Variants in LCN9 observed in about 807,000 individuals in gnomAD.
The protein encoded by LCN9 is epididymal-specific lipocalin-9.
In LCN9, 22 loss-of-function variants were observed where a neutral mutation model predicts 18.5. The ratio of observed to expected loss-of-function variants is 1.19; its 90% CI spans 0.85 to 1.70. LCN9 has a LOEUF of 1.70. Ranked by LOEUF, LCN9 falls within the 40% of genes most tolerant of loss-of-function variation. The pLI, the probability that LCN9 is intolerant of heterozygous loss-of-function variation, is 0.00. For synonymous variants in LCN9, 89 were observed against 83.0 expected (o/e 1.07, Z -0.39); for missense variants, 202 against 201.3 (o/e 1.00, Z -0.02).
At position 135,665,285 on chromosome 9, in the gene LCN9, C is replaced by T; in HGVS notation, c.348C>T (p.Tyr116=). ...CAGTGGCCGTCTCGGAGACTGACTACAGGCTGTTCATCACCTTCCACCTCC... is the reference window on the plus strand; with the variant it reads ...CAGTGGCCGTCTCGGAGACTGACTATAGGCTGTTCATCACCTTCCACCTCC... The change falls in exon 4 of 6, where the codon TAC becomes TAT. Residue 116 remains tyrosine (Y), a synonymous_variant. Transcript: ENST00000619315. The surrounding 1 kb of genome is among the most constrained non-coding windows in gnomAD (Gnocchi z 5.9). 1 of 1,606,052 alleles carries T rather than the reference C, an allele frequency of 6.2e-7. No individual in the cohort carries two copies. The highest frequency in any genetic ancestry group is 8.5e-7 in the Non-Finnish European group (1 of 1,176,574).
rs2119180863 is a variant in LCN9, at chr9:135,665,925, G to A, written c.*74G>A. ...CTCCCATGCGTGAGCTGCGACTCGG[G>A]ACGGGCAGGGGGCTGGATGGGGAGA... On this transcript the variant is annotated 3_prime_UTR_variant, in exon 6 of 6. Coordinates refer to ENST00000619315, the Ensembl canonical transcript of LCN9. This position sits in a 1 kb window ranked among gnomAD's most constrained non-coding sequence, Gnocchi z 5.9. The A allele has an allele frequency of 1.9e-6, 3 of 1,608,930 alleles. No homozygotes were observed. The highest frequency in any genetic ancestry group is 1.1e-5 in the South Asian group (1 of 90,530).
In LCN9 at chr9:135,664,396, T is replaced by C. The variant is rs1045228014; in HGVS notation, c.233+98T>C. 1.9e-5 allele frequency: 28 copies of C among 1,457,160 alleles called. No homozygotes were observed. The East Asian group carries it at 6.1e-4, about 32-fold the overall frequency. 90.3% of individuals were successfully genotyped at this position (1,457,160 alleles called of 1,614,324 possible). On this transcript the variant is annotated intron_variant, in intron 2 of 5. Coordinates refer to ENST00000619315, the Ensembl canonical transcript of LCN9. The surrounding 1 kb of genome is among the most constrained non-coding windows in gnomAD (Gnocchi z 4.5). ...TGCACACACACGCTCGCACACTCAC[T>C]GACTTGCACTCTGGTGAGAGCCTGA...
rs565670334 is a variant in LCN9 at position 135,663,882 on chromosome 9, G to C, written c.97-280G>C. Among the ~76,000 whole-genome samples, 43 of 125,216 alleles carry C rather than the reference G, an allele frequency of 3.4e-4. 1 individual carries two copies. The highest frequency in any genetic ancestry group is 3.9e-3 in the Middle Eastern group (1 of 256). 82.1% of individuals were successfully genotyped at this position (125,216 alleles called of 152,430 possible). ...AGAGGGCATTCTGTGAGCAGAGGGG[G>C]GACCTTGGGATCAAAGGGGGGATCT... On this transcript the variant is annotated intron_variant, in intron 1 of 5. Coordinates refer to ENST00000619315, the Ensembl canonical transcript of LCN9.
rs951819409 is a variant in LCN9, at chr9:135,665,987, C to T, written c.*136C>T. The T allele has an allele frequency of 5.6e-6, 9 of 1,597,802 alleles. No homozygotes were observed. Among genetic ancestry groups the T allele is most frequent in the Non-Finnish European group, 5.9e-6 (7 of 1,178,204 alleles). ...ACGTCAGAGGCTGCGGGGTCCCACC[C>T]CAGGAGGTGCCCATCCCTCCCCCTG... On this transcript the variant is annotated 3_prime_UTR_variant, in exon 6 of 6. Coordinates refer to ENST00000619315, the Ensembl canonical transcript of LCN9. This position sits in a 1 kb window ranked among gnomAD's most constrained non-coding sequence, Gnocchi z 5.9.
chr9:135,663,795 ACAGAGGGGGACCTGGAGGGG>A (rs1564285753), intron 1 of LCN9, among the ~76,000 whole-genome samples: 1 of 130,802 alleles, frequency 7.6e-6, no homozygotes, highest in Non-Finnish European at 1.6e-5. Flanking sequence ...CCTTGAGAGG[ACAGAGGGGGACCTGGAGGGG>A]CAGAGGAGAG....
In LCN9 at chr9:135,665,429, G is replaced by T; in HGVS notation, c.418+74G>T. The T allele has an allele frequency of 8.0e-7, 1 of 1,248,622 alleles. No individual in the cohort carries two copies. The highest frequency in any genetic ancestry group is 1.1e-6 in the Non-Finnish European group (1 of 874,458). 77.3% of individuals were successfully genotyped at this position (1,248,622 alleles called of 1,614,324 possible). A position where few individuals can be genotyped will look rare whatever the true frequency, so the allele number is the denominator to read the frequency against. ...GAAGTCCGGCCCAACCCTGGGCGGA[G>T]GAGGGTCTCGCAGTGGCCCTGGGGT... On this transcript the variant is annotated intron_variant, in intron 4 of 5. Transcript: ENST00000619315. This position sits in a 1 kb window ranked among gnomAD's most constrained non-coding sequence, Gnocchi z 5.9.
At position 135,664,409 on chromosome 9, in the gene LCN9, G is replaced by T; in HGVS notation, c.233+111G>T. The T allele has an allele frequency of 7.2e-7, 1 of 1,390,960 alleles. No individual in the cohort carries two copies. The highest frequency in any genetic ancestry group is 1.9e-4 in the Middle Eastern group (1 of 5,164). 86.2% of individuals were successfully genotyped at this position (1,390,960 alleles called of 1,614,324 possible). On this transcript the variant is annotated intron_variant, in intron 2 of 5. Transcript: ENST00000619315. The surrounding 1 kb of genome is among the most constrained non-coding windows in gnomAD (Gnocchi z 4.5). Reference sequence around the variant, plus strand: ...TCGCACACTCACTGACTTGCACTCTGGTGAGAGCCTGAGCCTGTGCGTGTG... The same window carrying T: ...TCGCACACTCACTGACTTGCACTCTTGTGAGAGCCTGAGCCTGTGCGTGTG...
Position 135,665,415 on chromosome 9 carries a change from C to A in LCN9, c.418+60C>A. The stretch of plus-strand genomic sequence containing the variant: ...ACCCCACCTCCTCTGAAGTCCGGCC[C>A]AACCCTGGGCGGAGGAGGGTCTCGC... On this transcript the variant is annotated intron_variant, in intron 4 of 5. Transcript: ENST00000619315. The surrounding 1 kb of genome is among the most constrained non-coding windows in gnomAD (Gnocchi z 5.9). The A allele has an allele frequency of 7.5e-7, 1 of 1,338,144 alleles. No individual in the cohort carries two copies. The highest frequency in any genetic ancestry group is 1.0e-6 in the Non-Finnish European group (1 of 954,418). The allele number at this position is 1,338,144 out of a possible 1,614,324, so 82.9% of individuals were successfully genotyped here.
chr9:135,666,587 A>G (rs1834226799), exon 6 of LCN9, among the ~76,000 whole-genome samples: 1 of 152,060 alleles, frequency 6.6e-6, no homozygotes, highest in South Asian at 2.1e-4. Flanking sequence ...GTCCCAGCCC[A>G]GTAAAAACCC....
At chr9:135,666,814 T>G in exon 6 of LCN9, among the ~76,000 whole-genome samples, 1 of 137,350 alleles carries the variant, frequency 7.3e-6, no homozygotes, top group Non-Finnish European at 1.6e-5. Flanking sequence ...CCCCTCCCTG[T>G]CCCTCCCCTC....
In LCN9 at chr9:135,665,727, A is replaced by G; in HGVS notation, c.458A>G (p.Lys153Arg). Reference sequence around the variant, plus strand: ...GCGAAAAGTACGGACTTGGCTCACAAAATATCATCGACTTGACCAACAAAG... The same window carrying G: ...GCGAAAAGTACGGACTTGGCTCACAGAATATCATCGACTTGACCAACAAAG... Residue 153 changes from lysine (K) to arginine (R), a missense_variant, in exon 5 of 6, where the codon AAA (lysine) becomes AGA (arginine). Coordinates refer to ENST00000619315, the Ensembl canonical transcript of LCN9. The surrounding 1 kb of genome is among the most constrained non-coding windows in gnomAD (Gnocchi z 5.9). 6.2e-7 allele frequency: 1 copy of G among 1,613,574 alleles called. No homozygotes were observed. Among genetic ancestry groups the G allele is most frequent in the Non-Finnish European group, 8.5e-7 (1 of 1,179,766 alleles).
Position 135,664,940 on chromosome 9 carries a change from G to C in LCN9, c.307+145G>C. ...CCCTGAACTGGAGGGACCCATCCTG[G>C]CACCTACCCAGGGGGGCTCCTGGCC... On this transcript the variant is annotated intron_variant, in intron 3 of 5. Coordinates refer to ENST00000619315, the Ensembl canonical transcript of LCN9. This position sits in a 1 kb window ranked among gnomAD's most constrained non-coding sequence, Gnocchi z 4.5. The C allele has an allele frequency of 1.1e-6, 1 of 883,006 alleles. No individual in the cohort carries two copies. The highest frequency in any genetic ancestry group is 1.7e-6 in the Non-Finnish European group (1 of 577,070). 54.7% of individuals were successfully genotyped at this position (883,006 alleles called of 1,614,324 possible).
chr9:135,665,936 G>T lies in LCN9; in HGVS notation c.*85G>T. The T allele has an allele frequency of 6.2e-7, 1 of 1,605,860 alleles. No individual in the cohort carries two copies. Among genetic ancestry groups the T allele is most frequent in the Non-Finnish European group, 8.5e-7 (1 of 1,178,084 alleles). On this transcript the variant is annotated 3_prime_UTR_variant, in exon 6 of 6. Transcript: ENST00000619315. This position sits in a 1 kb window ranked among gnomAD's most constrained non-coding sequence, Gnocchi z 5.9. Reference sequence around the variant, plus strand: ...GAGCTGCGACTCGGGACGGGCAGGGGGCTGGATGGGGAGAGCTTGGGGCCA... The same window carrying T: ...GAGCTGCGACTCGGGACGGGCAGGGTGCTGGATGGGGAGAGCTTGGGGCCA...
chr9:135,664,191 G>A lies in LCN9; in HGVS notation c.126G>A (p.Met42Ile), dbSNP rs1564285973. 2 of 1,602,686 alleles carry A rather than the reference G, an allele frequency of 1.2e-6. No individual in the cohort carries two copies. The highest frequency in any genetic ancestry group is 1.7e-6 in the Non-Finnish European group (2 of 1,172,728). ...CAGGGGTCTGGTATTCTATTTTCAT[G>A]GCCTCAGATGACCTGAATCGGATTA... The change falls in exon 2 of 6, where the codon ATG becomes ATA. Residue 42 changes from methionine (M) to isoleucine (I), a missense_variant. Coordinates refer to ENST00000619315, the Ensembl canonical transcript of LCN9. The surrounding 1 kb of genome is among the most constrained non-coding windows in gnomAD (Gnocchi z 4.5).
chr9:135,666,265 G>A lies in LCN9; in HGVS notation c.*414G>A, dbSNP rs1834220788. 7 of 967,716 alleles carry A rather than the reference G, an allele frequency of 7.2e-6. No individual in the cohort carries two copies. The South Asian group carries it at 1.0e-4, about 14-fold the overall frequency. 59.9% of individuals were successfully genotyped at this position (967,716 alleles called of 1,614,324 possible). ...CTGTGCTCCCTCCACCAGCTCCCGG[G>A]AAGGGTCCTTCCTGCCTCTTCCGGC... On this transcript the variant is annotated 3_prime_UTR_variant, in exon 6 of 6. Coordinates refer to ENST00000619315, the Ensembl canonical transcript of LCN9.
Position 135,664,172 on chromosome 9 carries a change from T to C in LCN9, c.107T>C (p.Val36Ala), listed in dbSNP as rs1254007430. 2 of 1,604,754 alleles carry C rather than the reference T, an allele frequency of 1.2e-6. No homozygotes were observed. The highest frequency in any genetic ancestry group is 1.7e-6 in the Non-Finnish European group (2 of 1,176,300). ...GCTCTTTGTCTTCAGGTTTCAGGGG[T>C]CTGGTATTCTATTTTCATGGCCTCA... The change falls in exon 2 of 6, where the codon GTC becomes GCC. Residue 36 changes from valine (V) to alanine (A), a missense_variant. Physicochemically the swap from Val to Ala is moderately conservative, Grantham distance 64 (BLOSUM62 0). Coordinates refer to ENST00000619315, the Ensembl canonical transcript of LCN9. This position sits in a 1 kb window ranked among gnomAD's most constrained non-coding sequence, Gnocchi z 4.5.
rs780633998 is a variant in LCN9, at chr9:135,665,329, C to T, written c.392C>T (p.Thr131Ile). 1.6e-5 allele frequency: 26 copies of T among 1,605,036 alleles called. No homozygotes were observed. Among genetic ancestry groups the T allele is most frequent in the Non-Finnish European group, 1.9e-5 (22 of 1,176,158 alleles). Residue 131 changes from threonine to isoleucine, a missense_variant, in exon 4 of 6, where the codon ACC becomes ATC. Transcript: ENST00000619315. The surrounding 1 kb of genome is among the most constrained non-coding windows in gnomAD (Gnocchi z 5.9). Reference sequence around the variant, plus strand: ...CACCTCCAGAACTTCAGGAACGGGACCGAGACCCACACGCTGGCGCTCTAT... The same window carrying T: ...CACCTCCAGAACTTCAGGAACGGGATCGAGACCCACACGCTGGCGCTCTAT...
At chr9:135,666,120 G>A (rs367731895) in exon 6 of LCN9, 12 of 1,598,124 alleles carry the variant, frequency 7.5e-6, no homozygotes, top group Non-Finnish European at 9.3e-6. Flanking sequence ...AGCAGGAAGT[G>A]AGATGGGGCC....
rs532246424 is a variant in LCN9 at position 135,665,364 on chromosome 9, G to A, written c.418+9G>A. Reference sequence around the variant, plus strand: ...CACGCTGGCGCTCTATGGTACCTCCGCTGTCCCCCTCTGACCCCCTCGGGG... The same window carrying A: ...CACGCTGGCGCTCTATGGTACCTCCACTGTCCCCCTCTGACCCCCTCGGGG... On this transcript the variant is annotated intron_variant, in intron 4 of 5. Coordinates refer to ENST00000619315, the Ensembl canonical transcript of LCN9. The surrounding 1 kb of genome is among the most constrained non-coding windows in gnomAD (Gnocchi z 5.9). 3.8e-5 allele frequency: 60 copies of A among 1,580,682 alleles called. No individual in the cohort carries two copies. Among genetic ancestry groups the A allele is most frequent in the South Asian group, 1.5e-4 (13 of 86,260 alleles).
Sources: gnomAD v4.1 joint callset for allele counts (sites outside exome capture counted in the v4.1 genomes callset) on GRCh38, gnomAD v4.1.1 for gene constraint, Gnocchi (gnomAD v3.1) non-coding constraint, MANE v1.5 for transcripts, NCBI Gene and HGNC (gene_info 2026-07-23, HGNC 2026-07-21) for gene names.